Variants in WDR33 observed in about 807,000 individuals in gnomAD.
WDR33 encodes the protein pre-mRNA 3' end processing protein WDR33.
Under a neutral mutation model 164.9 loss-of-function variants are expected in WDR33, and 47 were observed. That is an observed-to-expected ratio of 0.29 (90% CI 0.23 to 0.36). WDR33 has a LOEUF of 0.36. Ranked by LOEUF, WDR33 falls within the 10% of genes least tolerant of loss-of-function variation. The pLI is 1.00. For missense variants in WDR33, 1,137 were observed against 1,754.1 expected (o/e 0.65, Z 6.28); for synonymous variants, 505 against 589.0 (o/e 0.86, Z 2.06).
Position 127,720,334 on chromosome 2 carries a change from A to G in WDR33, c.1691T>C (p.Leu564Pro), listed in dbSNP as rs746149943. Residue 564 changes from leucine (L) to proline (P), a missense_variant, in exon 16 of 22, where the codon CTT (leucine) becomes CCT (proline). Leu to Pro is a moderately conservative substitution (Grantham distance 98). Transcript: ENST00000322313. This position sits in a 1 kb window ranked among gnomAD's most constrained non-coding sequence, Gnocchi z 5.9. ...QLLEQLKIER[L>P]AQKQVEQIQP... ...AATTTGCTCAACTTGTTTCTGTGCAAGTCTTTCAATTTTAAGTTGCTGGAA... is the reference window on the plus strand; with the variant it reads ...AATTTGCTCAACTTGTTTCTGTGCAGGTCTTTCAATTTTAAGTTGCTGGAA... The G allele has an allele frequency of 1.3e-6, 2 of 1,506,228 alleles. No homozygotes were observed. The highest frequency in any genetic ancestry group is 1.8e-6 in the Non-Finnish European group (2 of 1,128,300). The allele number at this position is 1,506,228 out of a possible 1,614,324, so 93.3% of individuals were successfully genotyped here.
chr2:127,747,301 A>C (rs1687194061), intron 7 of WDR33, among the ~76,000 whole-genome samples: 1 of 152,240 alleles, frequency 6.6e-6, no homozygotes, highest in African/African-American at 2.4e-5. Flanking sequence ...CAACAGTTTA[A>C]CATACAGTGT....
chr2:127,791,615 A>G (rs1244810123), intron 1 of WDR33, among the ~76,000 whole-genome samples: 4 of 152,090 alleles, frequency 2.6e-5, no homozygotes, highest in African/African-American at 9.7e-5. Context: ...AGAGGCCCCC[A>G]TCTCCAAATG....
intron 7 of WDR33, among the ~76,000 whole-genome samples, chr2:127,756,423 T>G (rs942409873): frequency 6.6e-6 from 1 of 151,446 alleles, no homozygotes; most frequent in Admixed American, 6.6e-5. Flanking sequence ...ACTCCCCTCG[T>G]TGACAAAACT....
At chr2:127,779,629 T>C (rs1249024570) in intron 1 of WDR33, among the ~76,000 whole-genome samples, 1 of 152,238 alleles carries the variant, frequency 6.6e-6, no homozygotes, top group Non-Finnish European at 1.5e-5. Context: ...AGCCAAGGGC[T>C]TGCTGTTAGT....
chr2:127,717,085 A>C lies in WDR33; in HGVS notation c.2869+70T>G. ...CAGTCTATCAATGACTGGCCAACAA[A>C]ATTATTCACTGTAAAATGTGCACAA... On this transcript the variant is annotated intron_variant, in intron 17 of 21. Transcript: ENST00000322313. This position sits in a 1 kb window ranked among gnomAD's most constrained non-coding sequence, Gnocchi z 5.6. The C allele has an allele frequency of 8.0e-6, 12 of 1,495,442 alleles. No individual in the cohort carries two copies. Among genetic ancestry groups the C allele is most frequent in the Non-Finnish European group, 1.1e-5 (12 of 1,095,534 alleles). The allele number at this position is 1,495,442 out of a possible 1,614,324, so 92.6% of individuals were successfully genotyped here.
At position 127,709,895 on chromosome 2, in the gene WDR33, CA is replaced by C. The variant is rs553442841; in HGVS notation, c.3309-40del. The C allele has an allele frequency of 1.0e-3, 1,598 of 1,600,310 alleles. 2 individuals are homozygous for C. The highest frequency in any genetic ancestry group is 1.3e-3 in the Non-Finnish European group (1,524 of 1,173,624). On this transcript the variant is annotated intron_variant, in intron 18 of 21. Coordinates refer to ENST00000322313, the MANE Select transcript of WDR33 (RefSeq NM_018383.5). This position sits in a 1 kb window ranked among gnomAD's most constrained non-coding sequence, Gnocchi z 5.0. ...ACAGCAGAATGTCCATCTCAGAGAACACCTTGCCACTCTAAGTTCATGTTTC... is the reference window on the plus strand; with the variant it reads ...ACAGCAGAATGTCCATCTCAGAGAACCCTTGCCACTCTAAGTTCATGTTTC...
In WDR33 at chr2:127,706,307, TAC is replaced by T; in HGVS notation, c.*14_*15del. The T allele has an allele frequency of 6.5e-7, 1 of 1,532,990 alleles. No homozygotes were observed. The highest frequency in any genetic ancestry group is 1.8e-4 in the Middle Eastern group (1 of 5,632). 95.0% of individuals were successfully genotyped at this position (1,532,990 alleles called of 1,614,324 possible). A position where few individuals can be genotyped will look rare whatever the true frequency, so the allele number is the denominator to read the frequency against. ...CATACTGTCCAGAGAGGCCTCAGGG[TAC>T]TCAGTTCCAGCTTCTACCGACCCCT... On this transcript the variant is annotated 3_prime_UTR_variant, in exon 22 of 22. Transcript: ENST00000322313. The surrounding 1 kb of genome is among the most constrained non-coding windows in gnomAD (Gnocchi z 5.1).
At chr2:127,794,833 C>CAAAAA (rs990234716) in intron 1 of WDR33, among the ~76,000 whole-genome samples, 10 of 79,266 alleles carry the variant, frequency 1.3e-4, no homozygotes, top group Admixed American at 1.2e-3. Flanking sequence ...GACTCCGTTT[C>CAAAAA]AAAAAAAAAA....
intron 7 of WDR33, among the ~76,000 whole-genome samples, chr2:127,749,753 A>C (rs1240474941): frequency 6.6e-6 from 1 of 151,930 alleles, no homozygotes. Context: ...AACCTTTACA[A>C]TTATCACAGT....
intron 1 of WDR33, among the ~76,000 whole-genome samples, chr2:127,791,165 C>T (rs1179864978): frequency 3.4e-4 from 11 of 32,712 alleles, no homozygotes; most frequent in South Asian, 1.2e-3. Flanking sequence ...CCCCACCCCA[C>T]CCCCCCCCCC....
intron 7 of WDR33, among the ~76,000 whole-genome samples, chr2:127,750,664 AAAAAAAAAAAAAAATATATATATATAT>A (rs1254383121): frequency 1.6e-3 from 110 of 69,560 alleles, no homozygotes; most frequent in African/African-American, 8.2e-3. Context: ...AAAAAAAAAA[AAAAAAAAAAAAAAATATATATATATAT>A]ATATATATAT....
rs1466285186 is a variant in WDR33, at chr2:127,720,995, CTCTT to C, written c.1672-646_1672-643del. Reference sequence around the variant, plus strand: ...TATATGAGCAGACAAAAAGGAAAAACTCTTTCATAAACAGGTGAATTCAAATTAA... The same window carrying C: ...TATATGAGCAGACAAAAAGGAAAAACTCATAAACAGGTGAATTCAAATTAA... On this transcript the variant is annotated intron_variant, in intron 15 of 21. Transcript: ENST00000322313. This position sits in a 1 kb window ranked among gnomAD's most constrained non-coding sequence, Gnocchi z 5.9. 2.6e-5 allele frequency among the ~76,000 whole-genome samples: 4 copies of C among 152,216 alleles called. No homozygotes were observed. Among genetic ancestry groups the C allele is most frequent in the African/African-American group, 7.2e-5 (3 of 41,466 alleles).
At chr2:127,758,613 A>T (rs954069894) in intron 7 of WDR33, among the ~76,000 whole-genome samples, 1 of 152,202 alleles carries the variant, frequency 6.6e-6, no homozygotes, top group Non-Finnish European at 1.5e-5. Flanking sequence ...TTGTTAACTG[A>T]TTCTCTTTAT....
At position 127,701,396 on chromosome 2, in the gene WDR33, G is replaced by C. The variant is rs1481132508; in HGVS notation, c.*4927C>G. On this transcript the variant is annotated 3_prime_UTR_variant, in exon 22 of 22. Coordinates refer to ENST00000322313, the MANE Select transcript of WDR33 (RefSeq NM_018383.5). ...CAAAAGTCCGCAGAGCAGGCACCGC[G>C]GCACTTCCGCGAGCGCCGCAGGCCC... The C allele has an allele frequency of 2.2e-6, 2 of 889,802 alleles. No homozygotes were observed. Among genetic ancestry groups the C allele is most frequent in the Non-Finnish European group, 1.5e-6 (1 of 679,480 alleles). 55.1% of individuals were successfully genotyped at this position (889,802 alleles called of 1,614,324 possible).
chr2:127,723,189 A>G lies in WDR33; in HGVS notation c.1291+64T>C. On this transcript the variant is annotated intron_variant, in intron 12 of 21. Transcript: ENST00000322313. The surrounding 1 kb of genome is among the most constrained non-coding windows in gnomAD (Gnocchi z 5.9). ...AAATTCATTTTGTATAATCTTCCCA[A>G]CATCTAACACTTCTGTAATAGAATA... The G allele has an allele frequency of 6.7e-7, 1 of 1,498,228 alleles. No homozygotes were observed. Among genetic ancestry groups the G allele is most frequent in the East Asian group, 2.3e-5 (1 of 43,984 alleles). The allele number at this position is 1,498,228 out of a possible 1,614,324, so 92.8% of individuals were successfully genotyped here.
At chr2:127,762,674 C>A (rs551396361) in intron 7 of WDR33, 8 of 1,007,724 alleles carry the variant, frequency 7.9e-6, no homozygotes, top group Non-Finnish European at 9.5e-6. Flanking sequence ...TCTATCTTGT[C>A]GGTTAATTCA....
In WDR33 at chr2:127,718,928, A is replaced by G. The variant is rs1355472426; in HGVS notation, c.2760+337T>C. Among the ~76,000 whole-genome samples, 3 of 152,216 alleles carry G rather than the reference A, an allele frequency of 2.0e-5. No homozygotes were observed. The highest frequency in any genetic ancestry group is 4.4e-5 in the Non-Finnish European group (3 of 68,044). On this transcript the variant is annotated intron_variant, in intron 16 of 21. Coordinates refer to ENST00000322313, the MANE Select transcript of WDR33 (RefSeq NM_018383.5). The surrounding 1 kb of genome is among the most constrained non-coding windows in gnomAD (Gnocchi z 4.4). ...CTCAGAGCCGACCACCATGTAAAAC[A>G]TGCTTCCTCCTCAGGGCCACAGCTC...
At chr2:127,733,850 C>T (rs966099312) in intron 7 of WDR33, among the ~76,000 whole-genome samples, 2 of 152,168 alleles carry the variant, frequency 1.3e-5, no homozygotes, top group Non-Finnish European at 2.9e-5. Context: ...TTCAATGATA[C>T]CAGAGCTTGA....
chr2:127,786,249 A>G (rs769142827), intron 1 of WDR33, among the ~76,000 whole-genome samples: 19 of 152,158 alleles, frequency 1.2e-4, no homozygotes, highest in Non-Finnish European at 2.8e-4. Flanking sequence ...TGTCCAGGCT[A>G]GTCTGGAACT....
Sources: allele counts gnomAD v4.1 joint callset (sites outside exome capture counted in the v4.1 genomes callset), GRCh38; gene constraint gnomAD v4.1.1; non-coding constraint Gnocchi (gnomAD v3.1); transcripts MANE v1.5; gene names NCBI Gene and HGNC (gene_info 2026-07-23, HGNC 2026-07-21).